TMEM67: variants seen among roughly 807,000 people sequenced by gnomAD.
TMEM67 encodes transmembrane protein 67.
In TMEM67, 124 loss-of-function variants were observed where a neutral mutation model predicts 136.6. The ratio of observed to expected loss-of-function variants is 0.91; its 90% CI spans 0.78 to 1.05. The LOEUF is 1.05. Among genes scored for constraint, TMEM67 ranks in the 50% least tolerant of loss-of-function variants. TMEM67 has a pLI of 0.00. For missense variants in TMEM67, 1,107 were observed against 1,178.4 expected (o/e 0.94, Z 0.89); for synonymous variants, 364 against 390.5 (o/e 0.93, Z 0.80).
chr8:93,809,185 T>A, intron 25 of TMEM67, 24 bp downstream of exon 25: 1 of 1,312,806 alleles, frequency 7.6e-7, no homozygotes, highest in Non-Finnish European at 1.1e-6. Context: ...CATTTATATT[T>A]AAGCTGGGAT....
intron 6 of TMEM67, 79 bp downstream of exon 6, chr8:93,765,725 G>T: frequency 1.1e-6 from 1 of 912,630 alleles, no homozygotes; most frequent in South Asian, 1.3e-5. Context: ...AGGCTAGAAT[G>T]AGAAACCCTT....
downstream of TMEM67, among the ~76,000 whole-genome samples, chr8:93,821,715 A>G (rs1389029571): frequency 1.3e-5 from 2 of 152,208 alleles, no homozygotes; most frequent in South Asian, 2.1e-4. Flanking sequence ...CCTGGGCAAC[A>G]TGGTGAAACC....
chr8:93,779,092 A>G (rs1356721664), intron 7 of TMEM67, among the ~76,000 whole-genome samples: 1 of 152,046 alleles, frequency 6.6e-6, no homozygotes, highest in Non-Finnish European at 1.5e-5. Flanking sequence ...GTCTCGCTTT[A>G]TTTCATTAAT....
rs746432116 is a variant in TMEM67 at position 93,797,328 on chromosome 8, C to G, written c.1961-3C>G. ...CTTTTACTCATTTTATTTTCCTGAC[C>G]AGGTGAGGGTGGTGTACGAAGTGCC... On this transcript the variant is annotated splice_region_variant and splice_polypyrimidine_tract_variant and intron_variant, in intron 19 of 27. Coordinates refer to ENST00000453321, the MANE Select transcript of TMEM67 (RefSeq NM_153704.6). The G allele has an allele frequency of 1.9e-6, 3 of 1,614,048 alleles. No homozygotes were observed. Among genetic ancestry groups the G allele is most frequent in the Non-Finnish European group, 2.5e-6 (3 of 1,179,990 alleles).
intron 2 of TMEM67, among the ~76,000 whole-genome samples, chr8:93,757,699 C>T (rs1351249484): frequency 6.6e-6 from 1 of 150,410 alleles, no homozygotes; most frequent in African/African-American, 2.4e-5. Context: ...TCTCATAAAT[C>T]AATTTTAACA....
chr8:93,819,195 A>T (rs1038893139), downstream of TMEM67: 9 of 440,376 alleles, frequency 2.0e-5, no homozygotes, highest in Admixed American at 5.1e-5. Context: ...CCCAAAATAT[A>T]TTTTTTTCTT....
At chr8:93,768,196 A>T (rs1423218444) in intron 6 of TMEM67, among the ~76,000 whole-genome samples, 1 of 152,088 alleles carries the variant, frequency 6.6e-6, no homozygotes, top group East Asian at 1.9e-4. Flanking sequence ...TCAGTTTTGT[A>T]GGATAAATAT....
intron 14 of TMEM67, 30 bp from the exon 15 acceptor site, chr8:93,791,233 A>G (rs753100380): frequency 2.8e-6 from 4 of 1,423,264 alleles, no homozygotes; most frequent in Non-Finnish European, 4.0e-6. Context: ...TAATTTCAGT[A>G]TAGCTAATTT....
chr8:93,798,996 C>T (rs1814749774), intron 20 of TMEM67, among the ~76,000 whole-genome samples: 1 of 143,940 alleles, frequency 6.9e-6, no homozygotes, highest in Admixed American at 7.0e-5. Flanking sequence ...TAAGAGTTTC[C>T]TCAGCTTTAA....
Position 93,775,587 on chromosome 8 carries a change from C to T in TMEM67, c.714+2936C>T, listed in dbSNP as rs573973671. On this transcript the variant is annotated intron_variant, in intron 7 of 27. Transcript: ENST00000453321. ...TCTACATATGGCTAGCCAGTTTTCC[C>T]AGCACCATTTATTAAATAGGGAATC... Among the ~76,000 whole-genome samples, 486 of 152,282 alleles carry T rather than the reference C, an allele frequency of 3.2e-3. 3 individuals are homozygous for T. The highest frequency in any genetic ancestry group is 0.011 in the African/African-American group (475 of 41,570).
rs868603320 is a variant in TMEM67, at chr8:93,791,308, G to A, written c.1564G>A (p.Val522Ile). ...TGAAATGGATCATGGAGAAGCACATGTCCAGACAGATGTAAGTTTATTTTA... is the reference window on the plus strand; with the variant it reads ...TGAAATGGATCATGGAGAAGCACATATCCAGACAGATGTAAGTTTATTTTA... ...TYEMDHGEAH[V>I]QTDIALGVLG... Residue 522 changes from valine (V) to isoleucine (I), a missense_variant, in exon 15 of 28, where the codon GTC becomes ATC. Val to Ile is a conservative substitution (Grantham distance 29). Around this residue, in one of 3 missense-constraint regions of TMEM67, gnomAD observed 925 missense variants for 1,002.4 expected, o/e 0.92. Coordinates refer to ENST00000453321, the MANE Select transcript of TMEM67 (RefSeq NM_153704.6). The A allele has an allele frequency of 6.2e-7, 1 of 1,601,628 alleles. No homozygotes were observed. The highest frequency in any genetic ancestry group is 2.2e-5 in the East Asian group (1 of 44,672).
intron 6 of TMEM67, 49 bp downstream of exon 6, chr8:93,765,695 T>A (rs1813054528): frequency 8.4e-7 from 1 of 1,196,978 alleles, no homozygotes; most frequent in Admixed American, 1.7e-5. Flanking sequence ...ACTTTCTACA[T>A]TTCATCCATT....
At chr8:93,765,378 T>C (rs1813034568) in intron 4 of TMEM67, 28 bp from the exon 5 acceptor site, 1 of 1,573,702 alleles carries the variant, frequency 6.4e-7, no homozygotes, top group Non-Finnish European at 8.7e-7. Context: ...ATTAACATTT[T>C]TAAAATTATT....
At chr8:93,757,511 C>T (rs973274455) in intron 2 of TMEM67, among the ~76,000 whole-genome samples, 18 of 151,852 alleles carry the variant, frequency 1.2e-4, no homozygotes, top group Non-Finnish European at 2.2e-4. Flanking sequence ...TGGCACGTGC[C>T]TGTAGTCCCA....
intron 14 of TMEM67, among the ~76,000 whole-genome samples, chr8:93,789,833 G>T (rs1452532759): frequency 5.5e-4 from 84 of 151,808 alleles, no homozygotes; most frequent in Non-Finnish European, 1.5e-4. Context: ...CACTATGGGA[G>T]GCTGAGGCAG....
intron 4 of TMEM67, 29 bp downstream of exon 4, chr8:93,763,970 T>A (rs754240866): frequency 1.8e-5 from 24 of 1,309,938 alleles, no homozygotes; most frequent in Admixed American, 1.3e-4. Flanking sequence ...GCTAACTTCA[T>A]TAATATCATC....
rs371471866 is a variant in TMEM67, at chr8:93,803,573, T to C, written c.2242-31T>C. The C allele has an allele frequency of 3.8e-4, 522 of 1,368,022 alleles. No individual in the cohort carries two copies. In the African/African-American group the frequency reaches 6.9e-3, roughly 18 times the overall value. 84.7% of individuals were successfully genotyped at this position (1,368,022 alleles called of 1,614,324 possible). A position where few individuals can be genotyped will look rare whatever the true frequency, so the allele number is the denominator to read the frequency against. On this transcript the variant is annotated intron_variant, in intron 21 of 27. Coordinates refer to ENST00000453321, the MANE Select transcript of TMEM67 (RefSeq NM_153704.6). ...AAAAGAAAATTAAAATCCTAAAAGCTAATAAGCATAAACTTGACTTAATGT... is the reference window on the plus strand; with the variant it reads ...AAAAGAAAATTAAAATCCTAAAAGCCAATAAGCATAAACTTGACTTAATGT...
At chr8:93,829,564 T>TA in the TMEM67 span, among the ~76,000 whole-genome samples, 1 of 152,200 alleles carries the variant, frequency 6.6e-6, no homozygotes, top group African/African-American at 2.4e-5. Flanking sequence ...TGCGATCACA[T>TA]AGGCTTAGAG....
Position 93,772,656 on chromosome 8 carries a change from G to A in TMEM67, c.714+5G>A. On this transcript the variant is annotated splice_donor_5th_base_variant and intron_variant, in intron 7 of 27. Transcript: ENST00000453321. ...TCATCAGCAGCTGCATGTTGGGTAA[G>A]TTTGAATTTTTTAAATAAATTTCAT... 1.2e-6 allele frequency: 2 copies of A among 1,608,456 alleles called. No individual in the cohort carries two copies. Among genetic ancestry groups the A allele is most frequent in the Non-Finnish European group, 1.7e-6 (2 of 1,176,382 alleles).
Sources: gnomAD v4.1 joint callset for allele counts (sites outside exome capture counted in the v4.1 genomes callset) on GRCh38, gnomAD v4.1.1 for gene constraint, gnomAD v4.1.1 regional missense constraint, MANE v1.5 for transcripts, NCBI Gene and HGNC (gene_info 2026-07-23, HGNC 2026-07-21) for gene names.